FSTL4: variants seen among roughly 807,000 people sequenced by gnomAD.
The protein encoded by FSTL4 is follistatin-related protein 4.
In FSTL4, 28 loss-of-function variants were observed where a neutral mutation model predicts 78.2. The ratio of observed to expected loss-of-function variants is 0.36; its 90% confidence interval spans 0.27 to 0.49. FSTL4 has a LOEUF of 0.49. Among genes scored for constraint, FSTL4 ranks in the 20% least tolerant of loss-of-function variants. The probability of loss-of-function intolerance (pLI) is 0.98; values close to 1 mark genes in which losing one functional copy is unlikely to be tolerated. For synonymous variants in FSTL4, 422 were observed against 440.5 expected (o/e 0.96, Z 0.53); for missense variants, 922 against 1,084.9 (o/e 0.85, Z 2.11).
At chr5:133,814,051 G>T in the FSTL4 span, among the ~76,000 whole-genome samples, 2 of 152,218 alleles carry the variant, frequency 1.3e-5, no homozygotes, top group African/African-American at 4.8e-5. Flanking sequence ...GGCAACGGGG[G>T]CTGGGAAACC....
the FSTL4 span, among the ~76,000 whole-genome samples, chr5:133,658,352 C>CATCT: frequency 2.0e-5 from 3 of 152,218 alleles, 1 homozygote; most frequent in Admixed American, 6.5e-5. Flanking sequence ...AGATTGGGAT[C>CATCT]ATCTATTCCT....
intron 3 of FSTL4, among the ~76,000 whole-genome samples, chr5:133,522,673 T>C (rs1274889818): frequency 6.6e-6 from 1 of 152,240 alleles, no homozygotes; most frequent in East Asian, 1.9e-4. Context: ...TAATTGATTA[T>C]CCAATTGACA....
chr5:133,392,298 A>G (rs1755868652), intron 4 of FSTL4, among the ~76,000 whole-genome samples: 1 of 152,136 alleles, frequency 6.6e-6, no homozygotes, highest in Admixed American at 6.5e-5. Context: ...TCTTTGAGGC[A>G]TGGCTGGAAC....
chr5:133,765,607 C>A, the FSTL4 span, among the ~76,000 whole-genome samples: 6 of 152,092 alleles, frequency 3.9e-5, no homozygotes, highest in Non-Finnish European at 7.4e-5. Context: ...GTGAGAGAGT[C>A]CATCAGTGAT....
chr5:133,796,524 A>G, the FSTL4 span, among the ~76,000 whole-genome samples: 5 of 152,140 alleles, frequency 3.3e-5, no homozygotes, highest in Non-Finnish European at 7.4e-5. Context: ...AGGAGCCAGA[A>G]GTGGGGGATG....
intron 4 of FSTL4, among the ~76,000 whole-genome samples, chr5:133,349,629 T>C (rs1194977605): frequency 6.8e-6 from 1 of 147,076 alleles, no homozygotes; most frequent in Non-Finnish European, 1.5e-5. Context: ...TTTGTCATGC[T>C]GCCATGTGAC....
chr5:133,679,070 G>A, the FSTL4 span, among the ~76,000 whole-genome samples: 1 of 152,248 alleles, frequency 6.6e-6, no homozygotes, highest in Middle Eastern at 3.4e-3. Context: ...ACAGAACCTG[G>A]AGGAATCTGT....
the FSTL4 span, among the ~76,000 whole-genome samples, chr5:133,818,931 CTATA>C: frequency 9.7e-5 from 6 of 61,788 alleles, no homozygotes; most frequent in African/African-American, 1.4e-4. Flanking sequence ...TTAGAAGATA[CTATA>C]TATATATATA....
At chr5:133,610,004 CAA>C (rs1341092970) in intron 1 of FSTL4, among the ~76,000 whole-genome samples, 3 of 152,198 alleles carry the variant, frequency 2.0e-5, no homozygotes, top group Non-Finnish European at 1.5e-5. Context: ...AACACTCAAA[CAA>C]GGCAAGGTAG....
the FSTL4 span, among the ~76,000 whole-genome samples, chr5:133,687,206 C>T: frequency 1.5e-5 from 2 of 133,218 alleles, no homozygotes; most frequent in South Asian, 4.9e-4. Flanking sequence ...CACTGAGAGG[C>T]TAAATAGGGG....
the FSTL4 span, among the ~76,000 whole-genome samples, chr5:133,777,939 GT>G: frequency 6.6e-6 from 1 of 152,248 alleles, no homozygotes; most frequent in Admixed American, 6.5e-5. Context: ...CTTAGTTGAA[GT>G]TTTGGATATT....
intron 6 of FSTL4, among the ~76,000 whole-genome samples, chr5:133,300,898 C>T (rs1753522888): frequency 6.6e-6 from 1 of 151,972 alleles, no homozygotes; most frequent in East Asian, 1.9e-4. Context: ...CTGCTCGGGC[C>T]CCGCTTTCTC....
chr5:133,263,787 G>A (rs1752586395), intron 6 of FSTL4, among the ~76,000 whole-genome samples: 1 of 152,180 alleles, frequency 6.6e-6, no homozygotes, highest in African/African-American at 2.4e-5. Context: ...GATAGAGAGG[G>A]AGAATTGTAT....
chr5:133,749,420 T>C, the FSTL4 span, among the ~76,000 whole-genome samples: 2 of 152,218 alleles, frequency 1.3e-5, no homozygotes, highest in African/African-American at 4.8e-5. Flanking sequence ...CCTAGGCAGA[T>C]ACAGCCCCAA....
At chr5:133,624,210 A>G in the FSTL4 span, among the ~76,000 whole-genome samples, 3 of 152,038 alleles carry the variant, frequency 2.0e-5, no homozygotes, top group Admixed American at 6.6e-5. Context: ...ATGTTCACCA[A>G]TGGAAGAACT....
chr5:133,711,759 G>C, the FSTL4 span, among the ~76,000 whole-genome samples: 1 of 152,204 alleles, frequency 6.6e-6, no homozygotes, highest in Non-Finnish European at 1.5e-5. Flanking sequence ...ATACTTTCGT[G>C]TGATACAAAC....
At chr5:133,713,407 G>A in the FSTL4 span, among the ~76,000 whole-genome samples, 2 of 152,194 alleles carry the variant, frequency 1.3e-5, no homozygotes, top group South Asian at 2.1e-4. Flanking sequence ...AGGCTGCCAG[G>A]CTACCCCTTG....
the FSTL4 span, among the ~76,000 whole-genome samples, chr5:133,731,621 A>G: frequency 1.3e-5 from 2 of 152,172 alleles, no homozygotes; most frequent in Non-Finnish European, 2.9e-5. Context: ...TGGGGGGCCA[A>G]GGGAGTCAGA....
the FSTL4 span, among the ~76,000 whole-genome samples, chr5:133,825,590 C>T: frequency 2.6e-5 from 4 of 152,268 alleles, no homozygotes; most frequent in South Asian, 2.1e-4. Flanking sequence ...AAACTATCCG[C>T]GGGGGTGGGT....
Sources: gnomAD v4.1 joint callset for allele counts (sites outside exome capture counted in the v4.1 genomes callset) on GRCh38, gnomAD v4.1.1 for gene constraint, MANE v1.5 for transcripts, NCBI Gene and HGNC (gene_info 2026-07-23, HGNC 2026-07-21) for gene names.